LRFN5: variants seen among roughly 807,000 people sequenced by gnomAD.
The protein encoded by LRFN5 is leucine rich repeat and fibronectin type III domain containing 5, also known as leucine-rich repeat and fibronectin type-III domain-containing protein 5.
In LRFN5, 24 loss-of-function variants were observed where a neutral mutation model predicts 45.6. That is an observed-to-expected ratio of 0.53 (90% CI 0.38 to 0.74). LRFN5 has a LOEUF of 0.74. Among genes scored for constraint, LRFN5 ranks in the 30% least tolerant of loss-of-function variants. The probability of loss-of-function intolerance (pLI) is 0.00; values close to 1 mark genes in which losing one functional copy is unlikely to be tolerated. For synonymous variants in LRFN5, 340 were observed against 313.8 expected (o/e 1.08, Z -0.88); for missense variants, 776 against 861.5 (o/e 0.90, Z 1.24).
rs569187044 is a variant in LRFN5 at position 41,845,694 on chromosome 14, C to T, written c.-20-40912C>T. 3.9e-5 allele frequency among the ~76,000 whole-genome samples: 6 copies of T among 152,104 alleles called. 2 individuals carry two copies. The highest frequency in any genetic ancestry group is 1.4e-4 in the African/African-American group (6 of 41,502). ...TAAATTTCAAGATTATTAGGTGCAA[C>T]TAGCAACAGATAATAATTTCATTAG... On this transcript the variant is annotated intron_variant, in intron 2 of 5. Coordinates refer to ENST00000298119, the MANE Select transcript of LRFN5 (RefSeq NM_152447.5).
rs1888917524 is a variant in LRFN5 at position 41,843,041 on chromosome 14, C to T, written c.-20-43565C>T. Reference sequence around the variant, plus strand: ...ATATAGGTGTATGTAAATTTTCTCCCACTCTATAGTTTGTTAAAAATTTTC... The same window carrying T: ...ATATAGGTGTATGTAAATTTTCTCCTACTCTATAGTTTGTTAAAAATTTTC... On this transcript the variant is annotated intron_variant, in intron 2 of 5. Transcript: ENST00000298119. Among the ~76,000 whole-genome samples the T allele has an allele frequency of 1.3e-5, 2 of 149,664 alleles. 1 individual carries two copies. Among genetic ancestry groups the T allele is most frequent in the South Asian group, 4.2e-4 (2 of 4,724 alleles).
chr14:41,846,355 GA>G (rs1421663057), intron 2 of LRFN5, among the ~76,000 whole-genome samples: 2 of 151,846 alleles, frequency 1.3e-5, no homozygotes, highest in Non-Finnish European at 2.9e-5. Flanking sequence ...TCAAAAACTA[GA>G]AAAAGACTCC....
intron 2 of LRFN5, among the ~76,000 whole-genome samples, chr14:41,845,068 T>C (rs1889012397): frequency 2.0e-5 from 3 of 152,246 alleles, no homozygotes; most frequent in Admixed American, 6.5e-5. Flanking sequence ...AAAATTAAAA[T>C]GAACGTGCAC....
chr14:41,855,619 A>C (rs1242675740), intron 2 of LRFN5, among the ~76,000 whole-genome samples: 1 of 152,114 alleles, frequency 6.6e-6, no homozygotes, highest in Non-Finnish European at 1.5e-5. Flanking sequence ...GCACATTTCC[A>C]CTCTGAAAAA....
intron 2 of LRFN5, among the ~76,000 whole-genome samples, chr14:41,872,112 A>C (rs984204301): frequency 1.2e-4 from 19 of 152,332 alleles, no homozygotes; most frequent in Admixed American, 1.2e-3. Context: ...TGACAGATGT[A>C]GGCTAAATGT....
At chr14:41,904,125 CT>C (rs1318799529) in intron 5 of LRFN5, 32 bp from the exon 6 acceptor site, 13 of 1,529,400 alleles carry the variant, frequency 8.5e-6, no homozygotes, top group South Asian at 1.1e-5. Context: ...TCCTTTCTTT[CT>C]TTTTTTCCTT....
At chr14:41,704,451 T>TGTGTGTGTGTGG (rs1555356097) in intron 1 of LRFN5, among the ~76,000 whole-genome samples, 10 of 149,740 alleles carry the variant, frequency 6.7e-5, no homozygotes, top group South Asian at 2.1e-4. Flanking sequence ...TCTCTCTCTG[T>TGTGTGTGTGTGG]GTGTGTGTGT....
chr14:41,727,748 A>G lies in LRFN5; in HGVS notation c.-196-39106A>G, dbSNP rs73307203. 4.1e-3 allele frequency among the ~76,000 whole-genome samples: 622 copies of G among 152,268 alleles called. 5 individuals carry two copies. The highest frequency in any genetic ancestry group is 0.014 in the African/African-American group (593 of 41,576). On this transcript the variant is annotated intron_variant, in intron 1 of 5. Transcript: ENST00000298119. ...TAAATAGAAACAATTTCAACAAAAC[A>G]TTTGAACTGGAGTCTGAAATGTATG...
At chr14:41,793,292 T>G (rs1467337201) in intron 2 of LRFN5, among the ~76,000 whole-genome samples, 1 of 152,002 alleles carries the variant, frequency 6.6e-6, no homozygotes, top group Non-Finnish European at 1.5e-5. Flanking sequence ...TTGAATGCGC[T>G]CCTAAATCAT....
chr14:41,779,680 T>C (rs1886413900), intron 2 of LRFN5, among the ~76,000 whole-genome samples: 1 of 151,904 alleles, frequency 6.6e-6, no homozygotes, highest in Admixed American at 6.6e-5. Context: ...ATTATCTGAC[T>C]CTCTTGGTGT....
intron 2 of LRFN5, among the ~76,000 whole-genome samples, chr14:41,803,655 C>T (rs191157716): frequency 1.2e-4 from 18 of 152,152 alleles, no homozygotes; most frequent in African/African-American, 3.9e-4. Context: ...CCCAAATACA[C>T]TTTTAGTTAT....
Position 41,624,962 on chromosome 14 carries a change from A to G in LRFN5, c.-197+16400A>G, listed in dbSNP as rs79760392. Among the ~76,000 whole-genome samples, 6 of 151,692 alleles carry G rather than the reference A, an allele frequency of 4.0e-5. No homozygotes were observed. The East Asian group carries it at 1.2e-3, about 30-fold the overall frequency. On this transcript the variant is annotated intron_variant, in intron 1 of 5. Transcript: ENST00000298119. ...AGAGTTGACTATTTCCAGATAAAAT[A>G]TCCTAATCATAGGCAATCAATTGCC...
At chr14:41,763,497 G>A (rs895416931) in intron 1 of LRFN5, among the ~76,000 whole-genome samples, 1 of 152,090 alleles carries the variant, frequency 6.6e-6, no homozygotes, top group South Asian at 2.1e-4. Flanking sequence ...CACCTTATGT[G>A]GTTTGGCTTT....
At chr14:41,694,021 G>A (rs974891111) in intron 1 of LRFN5, among the ~76,000 whole-genome samples, 1 of 151,910 alleles carries the variant, frequency 6.6e-6, no homozygotes. Flanking sequence ...CTATTGAAAT[G>A]TTTGTATATG....
chr14:41,805,422 A>AT (rs200137734), intron 2 of LRFN5, among the ~76,000 whole-genome samples: 25 of 141,312 alleles, frequency 1.8e-4, no homozygotes, highest in Admixed American at 5.0e-4. Flanking sequence ...TTATTTATTT[A>AT]TTATTATTAT....
rs566848411 is a variant in LRFN5 at position 41,855,737 on chromosome 14, A to G, written c.-20-30869A>G. Among the ~76,000 whole-genome samples, 4 of 152,350 alleles carry G rather than the reference A, an allele frequency of 2.6e-5. No homozygotes were observed. The South Asian group carries it at 8.3e-4, about 32-fold the overall frequency. ...TTAACGAGTCCCACTGGCTTAAAATATATTTTTGATTCACCTATAACAATC... is the reference window on the plus strand; with the variant it reads ...TTAACGAGTCCCACTGGCTTAAAATGTATTTTTGATTCACCTATAACAATC... On this transcript the variant is annotated intron_variant, in intron 2 of 5. Coordinates refer to ENST00000298119, the MANE Select transcript of LRFN5 (RefSeq NM_152447.5).
intron 1 of LRFN5, among the ~76,000 whole-genome samples, chr14:41,682,265 T>C (rs1245514413): frequency 7.3e-5 from 11 of 151,684 alleles, no homozygotes; most frequent in Non-Finnish European, 1.5e-4. Context: ...ATAATAATAA[T>C]AATAATTATG....
At chr14:41,883,325 C>T (rs971880454) in intron 2 of LRFN5, among the ~76,000 whole-genome samples, 1 of 149,324 alleles carries the variant, frequency 6.7e-6, no homozygotes, top group African/African-American at 2.5e-5. Flanking sequence ...TATATTTATT[C>T]CAGAAATACT....
intron 2 of LRFN5, among the ~76,000 whole-genome samples, chr14:41,840,672 A>C (rs942604726): frequency 2.0e-5 from 3 of 152,004 alleles, no homozygotes; most frequent in African/African-American, 7.2e-5. Context: ...GGAAAATTGT[A>C]ACCTTGCCAT....
Sources: allele counts gnomAD v4.1 joint callset (sites outside exome capture counted in the v4.1 genomes callset), GRCh38; gene constraint gnomAD v4.1.1; transcripts MANE v1.5; gene names NCBI Gene and HGNC (gene_info 2026-07-23, HGNC 2026-07-21).